The following PRSS23 variants were observed in gnomAD, a reference collection of about 807,000 sequenced individuals.
PRSS23 encodes the protein serine protease 23.
PRSS23 carries 25 observed loss-of-function variants against 34.7 expected under a neutral mutation model. The observed-to-expected ratio is 0.72, with a 90% CI of 0.53 to 1.01. The LOEUF is 1.01. Ranked by LOEUF, PRSS23 falls within the 50% of genes least tolerant of loss-of-function variation. PRSS23 has a pLI of 0.00. For missense variants in PRSS23, 445 were observed against 475.6 expected, an observed-to-expected ratio of 0.94 and a Z score of 0.60; for synonymous variants, 176 against 186.6, an observed-to-expected ratio of 0.94 and a Z score of 0.46.
intron 2 of PRSS23, among the ~76,000 whole-genome samples, chr11:86,939,696 T>A (rs1419031826): frequency 6.7e-6 from 1 of 149,996 alleles, no homozygotes; most frequent in Non-Finnish European, 1.5e-5. Context: ...AGGAAATGGG[T>A]GAAATGTTCA....
chr11:86,896,109 T>C (rs1948873122), intron 2 of PRSS23, among the ~76,000 whole-genome samples: 1 of 152,128 alleles, frequency 6.6e-6, no homozygotes, highest in African/African-American at 2.4e-5. Flanking sequence ...TTGAAGTAAG[T>C]CTCAGAGACC....
At chr11:86,829,906 G>T (rs957812186) in intron 2 of PRSS23, among the ~76,000 whole-genome samples, 23 of 152,096 alleles carry the variant, frequency 1.5e-4, no homozygotes, top group South Asian at 1.5e-3. Context: ...CTACTGGGGG[G>T]TGCCTCCCAG....
At chr11:86,841,867 G>C (rs1004736518) in intron 2 of PRSS23, among the ~76,000 whole-genome samples, 1 of 152,156 alleles carries the variant, frequency 6.6e-6, no homozygotes, top group Non-Finnish European at 1.5e-5. Flanking sequence ...AGAGGAACTG[G>C]TACCATTCCT....
At chr11:86,859,958 G>A (rs916633652) in intron 2 of PRSS23, among the ~76,000 whole-genome samples, 2 of 151,938 alleles carry the variant, frequency 1.3e-5, no homozygotes, top group African/African-American at 4.8e-5. Context: ...GGAAGGAAGA[G>A]GATAATATTA....
rs1948134818 is a variant in PRSS23 at position 86,808,441 on chromosome 11, C to T, written c.798C>T (p.Ser266=). ...GAAAATTTATGAAGATTGGGGTGAG[C>T]CCTCCTGCTAAGCAGCTGCCAGGGG... The part of the protein sequence containing the change: ...HKRKFMKIGV[S]PPAKQLPGGR... Residue 266 remains serine, a synonymous_variant, in exon 2 of 2, where the codon AGC becomes AGT. Coordinates refer to ENST00000280258, the MANE Select transcript of PRSS23 (RefSeq NM_007173.6). 3 of 1,614,214 alleles carry T rather than the reference C, an allele frequency of 1.9e-6. No homozygotes were observed. The highest frequency in any genetic ancestry group is 2.5e-6 in the Non-Finnish European group (3 of 1,180,042).
chr11:86,921,052 C>G (rs1055716616), intron 2 of PRSS23, among the ~76,000 whole-genome samples: 2 of 152,222 alleles, frequency 1.3e-5, no homozygotes, highest in African/African-American at 4.8e-5. Flanking sequence ...CCTGGTCTCC[C>G]TGTTCAGCTC....
intron 2 of PRSS23, among the ~76,000 whole-genome samples, chr11:86,827,485 C>G (rs1311032396): frequency 6.6e-6 from 1 of 152,164 alleles, no homozygotes; most frequent in Non-Finnish European, 1.5e-5. Flanking sequence ...TTTTGTGTCT[C>G]TATTTCCTTC....
At chr11:86,936,601 A>T (rs910323270) in intron 2 of PRSS23, 1 of 152,058 alleles carries the variant, frequency 6.6e-6, no homozygotes, top group African/African-American at 2.4e-5. Context: ...GGAAAGGTAT[A>T]TAATCTTGCT....
intron 2 of PRSS23, among the ~76,000 whole-genome samples, chr11:86,907,342 AT>A (rs201565752): frequency 3.2e-4 from 48 of 151,700 alleles, no homozygotes; most frequent in South Asian, 1.5e-3. Context: ...CAAATTAATG[AT>A]TTTTTTTTCA....
chr11:86,908,584 G>T (rs1375100147), intron 2 of PRSS23, among the ~76,000 whole-genome samples: 2 of 152,148 alleles, frequency 1.3e-5, no homozygotes, highest in African/African-American at 4.8e-5. Context: ...GATAAATGAT[G>T]CTAGTTCAAC....
intron 2 of PRSS23, among the ~76,000 whole-genome samples, chr11:86,876,240 C>A (rs1449413456): frequency 6.6e-6 from 1 of 152,022 alleles, no homozygotes; most frequent in Non-Finnish European, 1.5e-5. Flanking sequence ...GTACCAAACA[C>A]CATACTAGAA....
upstream of PRSS23, chr11:86,800,200 G>A (rs12787345): frequency 0.075 from 11,458 of 152,812 alleles, 480 homozygotes; most frequent in Middle Eastern, 0.11. Context: ...GAGGCCGCGC[G>A]CCAGACCCGG....
chr11:86,900,781 C>CTCTCTCTTTTTTT lies in PRSS23; in HGVS notation c.207-50434_207-50433insCTCTCTTTTTTTT, dbSNP rs775258446. Among the ~76,000 whole-genome samples the CTCTCTCTTTTTTT allele has an allele frequency of 5.0e-4, 47 of 94,020 alleles. 1 individual carries two copies. Among genetic ancestry groups the CTCTCTCTTTTTTT allele is most frequent in the Non-Finnish European group, 7.6e-4 (40 of 52,482 alleles). The allele number at this position is 94,020 out of a possible 152,430, so 61.7% of individuals were successfully genotyped here. A position where few individuals can be genotyped will look rare whatever the true frequency, so the allele number is the denominator to read the frequency against. On this transcript the variant is annotated intron_variant, in intron 2 of 2. Coordinates refer to the PRSS23 transcript ENST00000533902. ...AATTTCAGCATTATTATCTCTCTCT[C>CTCTCTCTTTTTTT]TTTTTTTTTTTTTTTTTTTTTGAGA...
exon 3 of PRSS23, chr11:86,952,055 G>A: frequency 6.2e-7 from 1 of 1,614,106 alleles, no homozygotes. Context: ...TGTGAAGGCA[G>A]TGGAGATGAA....
chr11:86,910,474 C>T (rs887624614), intron 2 of PRSS23: 1 of 152,088 alleles, frequency 6.6e-6, no homozygotes, highest in African/African-American at 2.4e-5. Flanking sequence ...TTAGATTGCA[C>T]GTAGGTAGAA....
At chr11:86,900,327 C>T (rs1948902932) in intron 2 of PRSS23, among the ~76,000 whole-genome samples, 1 of 152,228 alleles carries the variant, frequency 6.6e-6, no homozygotes, top group Admixed American at 6.5e-5. Context: ...GAGGAAGCGG[C>T]TTGCATGTGC....
At chr11:86,900,266 T>C (rs992001098) in intron 2 of PRSS23, among the ~76,000 whole-genome samples, 5 of 152,234 alleles carry the variant, frequency 3.3e-5, no homozygotes, top group South Asian at 2.1e-4. Flanking sequence ...TCAAGGTCTG[T>C]AAACTGCATT....
chr11:86,822,608 T>A (rs1229016523), intron 1 of PRSS23, among the ~76,000 whole-genome samples: 11 of 139,002 alleles, frequency 7.9e-5, no homozygotes, highest in Non-Finnish European at 3.1e-5. Context: ...GCGACAAGAG[T>A]GTGAACCTGA....
intron 2 of PRSS23, among the ~76,000 whole-genome samples, chr11:86,922,453 T>C (rs750916755): frequency 2.0e-5 from 3 of 151,440 alleles, no homozygotes; most frequent in African/African-American, 2.4e-5. Flanking sequence ...CTGGGCAACA[T>C]AGCAAGACCC....
Sources: gnomAD v4.1 joint callset for allele counts (sites outside exome capture counted in the v4.1 genomes callset) on GRCh38, gnomAD v4.1.1 for gene constraint, MANE v1.5 for transcripts, NCBI Gene and HGNC (gene_info 2026-07-23, HGNC 2026-07-21) for gene names.